The following PDCD11 variants were observed in gnomAD, a reference collection of about 807,000 sequenced individuals.
PDCD11 encodes the protein protein RRP5 homolog.
PDCD11 carries 97 observed loss-of-function variants against 198.9 expected under a neutral mutation model. That is an observed-to-expected ratio of 0.49 (90% CI 0.41 to 0.58). The LOEUF is 0.58. Among genes scored for constraint, PDCD11 ranks in the 20% least tolerant of loss-of-function variants. PDCD11 has a pLI of 0.00. For synonymous variants in PDCD11, 893 were observed against 918.0 expected, an observed-to-expected ratio of 0.97 and a Z score of 0.49; for missense variants, 2,102 against 2,312.7, an observed-to-expected ratio of 0.91 and a Z score of 1.87.
At chr10:103,430,286 T>C (rs759104055) in intron 21 of PDCD11, among the ~76,000 whole-genome samples, 1 of 152,228 alleles carries the variant, frequency 6.6e-6, no homozygotes. Flanking sequence ...AGCCACTGTG[T>C]CTGGCATATC....
chr10:103,405,838 C>A, intron 5 of PDCD11, 147 bp from the exon 6 acceptor site: 2 of 795,708 alleles, frequency 2.5e-6, no homozygotes, highest in Non-Finnish European at 4.1e-6. Context: ...TGTCTGCTGT[C>A]TAGTGGGATT....
chr10:103,427,849 C>T (rs556107050), intron 21 of PDCD11, among the ~76,000 whole-genome samples: 1 of 152,174 alleles, frequency 6.6e-6, no homozygotes, highest in East Asian at 1.9e-4. Flanking sequence ...GGGAGGAGAA[C>T]GAGGAGTTCT....
chr10:103,421,431 T>C lies in PDCD11; in HGVS notation c.2361T>C (p.Asp787=), dbSNP rs1554878128. Reference sequence around the variant, plus strand: ...TAGCGGCAAAGGTGACCAATGTGGATGAGGAGAAGCAGCGGATGCTGCTGT... The same window carrying C: ...TAGCGGCAAAGGTGACCAATGTGGACGAGGAGAAGCAGCGGATGCTGCTGT... The part of the protein sequence containing the change: ...QTVAAKVTNV[D]EEKQRMLLSL... The change falls in exon 17 of 36, where the codon GAT becomes GAC. Residue 787 remains aspartate, a synonymous_variant. Coordinates refer to ENST00000369797, the MANE Select transcript of PDCD11 (RefSeq NM_014976.2). 6.2e-7 allele frequency: 1 copy of C among 1,607,702 alleles called. No individual in the cohort carries two copies. Among genetic ancestry groups the C allele is most frequent in the South Asian group, 1.1e-5 (1 of 89,568 alleles).
rs143871362 is a variant in PDCD11 at position 103,425,570 on chromosome 10, T to C, written c.3305+45T>C. 1.9e-4 allele frequency: 289 copies of C among 1,553,264 alleles called. 5 individuals are homozygous for C. In the East Asian group the frequency reaches 6.3e-3, roughly 34 times the overall value. On this transcript the variant is annotated intron_variant, in intron 20 of 35. Coordinates refer to ENST00000369797, the MANE Select transcript of PDCD11 (RefSeq NM_014976.2). ...GGGCTGGCTTCGAGGGAGATTGTTG[T>C]TGTTGTGGGAGGACTGGGAAAGTAG...
In PDCD11 at chr10:103,434,781, GT is replaced by G; in HGVS notation, c.3668-15del. 6.3e-7 allele frequency: 1 copy of G among 1,597,708 alleles called. No individual in the cohort carries two copies. The highest frequency in any genetic ancestry group is 8.5e-7 in the Non-Finnish European group (1 of 1,171,420). ...GCTCATTTCCTCTTCCCTGAATCAGGTTGGTTCTTCCACCAGGTCCTCACAA... is the reference window on the plus strand; with the variant it reads ...GCTCATTTCCTCTTCCCTGAATCAGGTGGTTCTTCCACCAGGTCCTCACAA... On this transcript the variant is annotated splice_polypyrimidine_tract_variant and intron_variant, in intron 24 of 35. Coordinates refer to ENST00000369797, the MANE Select transcript of PDCD11 (RefSeq NM_014976.2).
At position 103,438,861 on chromosome 10, in the gene PDCD11, TTGC is replaced by T. The variant is rs572192094; in HGVS notation, c.4025+55_4025+57del. ...CCCAAGTGCCTTCCCTGAGCCTGTGTTGCTCTGGGGTCCACTGTGTTCCTCGGT... is the reference window on the plus strand; with the variant it reads ...CCCAAGTGCCTTCCCTGAGCCTGTGTTCTGGGGTCCACTGTGTTCCTCGGT... On this transcript the variant is annotated intron_variant, in intron 27 of 35. Coordinates refer to ENST00000369797, the MANE Select transcript of PDCD11 (RefSeq NM_014976.2). The T allele has an allele frequency of 4.8e-5, 77 of 1,601,912 alleles. No homozygotes were observed. In the African/African-American group the frequency reaches 9.1e-4, roughly 19 times the overall value.
At chr10:103,443,513 G>C (rs1011737198) in intron 33 of PDCD11, among the ~76,000 whole-genome samples, 180 bp downstream of exon 33, 1 of 152,192 alleles carries the variant, frequency 6.6e-6, no homozygotes, top group Non-Finnish European at 1.5e-5. Context: ...GGCCTGTGGG[G>C]TCAAGGTGAG....
rs200112442 is a variant in PDCD11 at position 103,444,509 on chromosome 10, C to A, written c.5279-8C>A. 1 of 1,613,826 alleles carries A rather than the reference C, an allele frequency of 6.2e-7. No individual in the cohort carries two copies. The highest frequency in any genetic ancestry group is 1.3e-5 in the African/African-American group (1 of 75,038). The stretch of plus-strand genomic sequence containing the variant: ...TTGTTGGGTCTCTGAGCAGTCCTCT[C>A]CCTGCAGATGTGGATGTCATTGCCA... On this transcript the variant is annotated splice_polypyrimidine_tract_variant and splice_region_variant and intron_variant, in intron 34 of 35. Transcript: ENST00000369797.
rs115155157 is a variant in PDCD11, at chr10:103,440,964, G to T, written c.4557+114G>T. On this transcript the variant is annotated intron_variant, in intron 30 of 35. Coordinates refer to ENST00000369797, the MANE Select transcript of PDCD11 (RefSeq NM_014976.2). Reference sequence around the variant, plus strand: ...CCTATAAAATACGAAAGCAGGGGCTGTCAGTTGCCTCCATTGACCGTCAGC... The same window carrying T: ...CCTATAAAATACGAAAGCAGGGGCTTTCAGTTGCCTCCATTGACCGTCAGC... 160 of 721,376 alleles carry T rather than the reference G, an allele frequency of 2.2e-4. No homozygotes were observed. The African/African-American group carries it at 2.7e-3, about 12-fold the overall frequency. 44.7% of individuals were successfully genotyped at this position (721,376 alleles called of 1,614,324 possible).
intron 21 of PDCD11, 30 bp downstream of exon 21, chr10:103,427,421 C>T (rs762416359): frequency 1.7e-5 from 27 of 1,562,398 alleles, no homozygotes; most frequent in South Asian, 5.7e-5. Flanking sequence ...CACTGTCTTA[C>T]GGAAAGAGCA....
intron 19 of PDCD11, 56 bp from the exon 20 acceptor site, chr10:103,424,928 A>G: frequency 3.2e-6 from 5 of 1,582,456 alleles, no homozygotes; most frequent in Non-Finnish European, 3.4e-6. Flanking sequence ...TGGGGCCATG[A>G]GTGAGTGACC....
In PDCD11 at chr10:103,438,009, A is replaced by C. The variant is rs1353113110; in HGVS notation, c.3846-6A>C. The C allele has an allele frequency of 6.2e-7, 1 of 1,612,538 alleles. No homozygotes were observed. The highest frequency in any genetic ancestry group is 1.7e-5 in the Admixed American group (1 of 59,974). On this transcript the variant is annotated splice_region_variant and splice_polypyrimidine_tract_variant and intron_variant, in intron 25 of 35. Coordinates refer to ENST00000369797, the MANE Select transcript of PDCD11 (RefSeq NM_014976.2). ...GAGCGTTTCCTTCTCTTTTGCCTTC[A>C]TTCAGATGTTACATCCTGTCCACTG...
intron 24 of PDCD11, 164 bp from the exon 25 acceptor site, chr10:103,434,634 G>T (rs899592013): frequency 2.6e-5 from 16 of 614,064 alleles, no homozygotes; most frequent in Non-Finnish European, 4.5e-5. Flanking sequence ...TGAGGTCCTT[G>T]GCTACATGGC....
chr10:103,416,875 G>A, intron 13 of PDCD11, 133 bp downstream of exon 13: 1 of 988,620 alleles, frequency 1.0e-6, no homozygotes, highest in South Asian at 1.6e-5. Flanking sequence ...GTGTGAGCCG[G>A]CTAAATGGAG....
chr10:103,440,883 C>T (rs374684118), intron 30 of PDCD11, 33 bp downstream of exon 30: 8 of 1,483,378 alleles, frequency 5.4e-6, no homozygotes, highest in East Asian at 2.3e-5. Context: ...GGGAAGGCTG[C>T]TCCAGGCAAG....
At chr10:103,413,836 C>A (rs2030943587) in intron 9 of PDCD11, 130 bp from the exon 10 acceptor site, 1 of 874,432 alleles carries the variant, frequency 1.1e-6, no homozygotes, top group African/African-American at 1.7e-5. Context: ...TGAAGAATTA[C>A]TTAACCAGGC....
chr10:103,417,206 C>T (rs887284062), intron 13 of PDCD11, among the ~76,000 whole-genome samples: 1 of 151,356 alleles, frequency 6.6e-6, no homozygotes, highest in African/African-American at 2.4e-5. Context: ...AGAGTTTCCT[C>T]TGTCACCCAG....
At chr10:103,423,386 G>A (rs1320578337) in intron 18 of PDCD11, among the ~76,000 whole-genome samples, 157 bp from the exon 19 acceptor site, 1 of 152,112 alleles carries the variant, frequency 6.6e-6, no homozygotes, top group Non-Finnish European at 1.5e-5. Context: ...ACTATGGGAG[G>A]TAGACCCTTG....
At chr10:103,399,549 T>C (rs2133666395) in intron 2 of PDCD11, 1 of 152,322 alleles carries the variant, frequency 6.6e-6, no homozygotes, top group South Asian at 2.1e-4. Flanking sequence ...CCACATGTAA[T>C]GGTCAGAATT....
Sources: allele counts gnomAD v4.1 joint callset (sites outside exome capture counted in the v4.1 genomes callset), GRCh38; gene constraint gnomAD v4.1.1; transcripts MANE v1.5; gene names NCBI Gene and HGNC (gene_info 2026-07-23, HGNC 2026-07-21).